Variants in SIRPG observed in about 807,000 individuals in gnomAD.
SIRPG encodes the protein signal-regulatory protein gamma.
Under a neutral mutation model 35.7 loss-of-function variants are expected in SIRPG, and 38 were observed. The ratio of observed to expected loss-of-function variants is 1.06; its 90% CI spans 0.82 to 1.40. SIRPG has a LOEUF of 1.40. Among genes scored for constraint, SIRPG ranks in the 40% most tolerant of loss-of-function variants. The pLI is 0.00. For synonymous variants in SIRPG, 215 were observed against 190.4 expected (o/e 1.13, Z -1.06); for missense variants, 519 against 483.0 (o/e 1.07, Z -0.70).
chr20:1,634,770 G>T lies in SIRPG; in HGVS notation c.1081+497C>A, dbSNP rs146803912. ...AAATATATATTTATGTACGCCAGGC[G>T]CGGTGGCTCACGCCTGTAATCCCAG... On this transcript the variant is annotated intron_variant, in intron 4 of 5. Coordinates refer to ENST00000303415, the MANE Select transcript of SIRPG (RefSeq NM_018556.4). 9.7e-3 allele frequency among the ~76,000 whole-genome samples: 1,480 copies of T among 152,046 alleles called. 25 individuals carry two copies. The highest frequency in any genetic ancestry group is 0.033 in the African/African-American group (1,377 of 41,494).
chr20:1,666,225 C>G, the SIRPG span: 1 of 151,852 alleles, frequency 6.6e-6, no homozygotes, highest in African/African-American at 2.4e-5. Flanking sequence ...GTGTTTGTTT[C>G]AAGCTGAGTG....
At chr20:1,661,358 A>G (rs1218460603), upstream of SIRPG, among the ~76,000 whole-genome samples, 2 of 152,206 alleles carry the variant, frequency 1.3e-5, no homozygotes, top group East Asian at 3.9e-4. Flanking sequence ...GGTCTACTCA[A>G]ATGCTCATGG....
At chr20:1,682,723 ATTAAAGACTT>A in the SIRPG span, among the ~76,000 whole-genome samples, 6 of 152,256 alleles carry the variant, frequency 3.9e-5, no homozygotes, top group Non-Finnish European at 8.8e-5. Context: ...CTCAAAATGG[ATTAAAGACTT>A]AAATGTAAGA....
chr20:1,683,909 C>T, the SIRPG span, among the ~76,000 whole-genome samples: 1 of 151,062 alleles, frequency 6.6e-6, no homozygotes, highest in Admixed American at 6.6e-5. Flanking sequence ...GTGGAGGCTG[C>T]AGTGAGCCGA....
upstream of SIRPG, among the ~76,000 whole-genome samples, chr20:1,660,872 A>G (rs1015536402): frequency 6.6e-6 from 1 of 152,214 alleles, no homozygotes; most frequent in Non-Finnish European, 1.5e-5. Flanking sequence ...TTAAGAATCA[A>G]AACTTCCTGG....
chr20:1,668,926 G>A, the SIRPG span, among the ~76,000 whole-genome samples: 1 of 152,114 alleles, frequency 6.6e-6, no homozygotes, highest in Non-Finnish European at 1.5e-5. Context: ...CTTCCAGCAG[G>A]CAGGGACATG....
At chr20:1,630,106 G>T in intron 5 of SIRPG, 116 bp downstream of exon 5, 2 of 773,254 alleles carry the variant, frequency 2.6e-6, no homozygotes, top group Non-Finnish European at 4.4e-6. Flanking sequence ...TTCCGAGGGT[G>T]CGGAGGGAGC....
chr20:1,650,177 C>T (rs7263011), intron 1 of SIRPG, among the ~76,000 whole-genome samples: 36,849 of 151,280 alleles, frequency 0.24, 5,253 homozygotes, highest in East Asian at 0.62. Context: ...GTTACATCTT[C>T]CTATCACTCT....
At chr20:1,654,682 G>A (rs1468691480) in intron 1 of SIRPG, among the ~76,000 whole-genome samples, 1 of 152,042 alleles carries the variant, frequency 6.6e-6, no homozygotes, top group East Asian at 1.9e-4. Flanking sequence ...ATAGACAAAA[G>A]GCATTAACAA....
intron 4 of SIRPG, among the ~76,000 whole-genome samples, chr20:1,633,253 T>G (rs1395131598): frequency 6.6e-6 from 1 of 152,184 alleles, no homozygotes; most frequent in Non-Finnish European, 1.5e-5. Context: ...AATTTATACT[T>G]TTAAAACACC....
chr20:1,680,904 T>C, the SIRPG span, among the ~76,000 whole-genome samples: 1 of 152,236 alleles, frequency 6.6e-6, no homozygotes, highest in Non-Finnish European at 1.5e-5. Flanking sequence ...ATCATGGGTA[T>C]TGGTTACTGT....
At chr20:1,636,570 T>C (rs970843911) in intron 2 of SIRPG, 65 bp from the exon 3 acceptor site, 2 of 1,521,382 alleles carry the variant, frequency 1.3e-6, no homozygotes, top group Non-Finnish European at 9.1e-7. Flanking sequence ...GATGAGTGTG[T>C]GACACTGTTA....
At chr20:1,685,971 C>A in the SIRPG span, among the ~76,000 whole-genome samples, 19,896 of 152,188 alleles carry the variant, frequency 0.13, 1,448 homozygotes, top group African/African-American at 0.19. Flanking sequence ...GGCTCCTGCT[C>A]CTCAGTTTGG....
chr20:1,637,993 C>A (rs1012200279), intron 2 of SIRPG, among the ~76,000 whole-genome samples: 2 of 152,170 alleles, frequency 1.3e-5, no homozygotes, highest in Admixed American at 6.5e-5. Flanking sequence ...TGCTCCCTAC[C>A]ACATGCAAAC....
intron 2 of SIRPG, among the ~76,000 whole-genome samples, chr20:1,644,057 G>A (rs955906465): frequency 1.3e-5 from 2 of 152,204 alleles, no homozygotes; most frequent in Non-Finnish European, 2.9e-5. Context: ...GGTGGCACGG[G>A]GAGCAGGACC....
the SIRPG span, among the ~76,000 whole-genome samples, chr20:1,679,807 T>G: frequency 6.6e-6 from 1 of 151,740 alleles, no homozygotes; most frequent in African/African-American, 2.4e-5. Context: ...TGCTCATGGC[T>G]TGCTAATTTG....
Position 1,636,514 on chromosome 20 carries a change from G to T in SIRPG, c.431-9C>A. The T allele has an allele frequency of 6.2e-7, 1 of 1,613,898 alleles. No homozygotes were observed. On this transcript the variant is annotated splice_polypyrimidine_tract_variant and intron_variant, in intron 2 of 5. Transcript: ENST00000303415. ...GGGGGCAGAGGGTTTGGCTACAAAA[G>T]GGGCATCGATAAACAGGAGACATGA...
Position 1,657,747 on chromosome 20 carries a change from C to G in SIRPG, c.-33G>C. The G allele has an allele frequency of 6.2e-7, 1 of 1,602,876 alleles. No homozygotes were observed. The highest frequency in any genetic ancestry group is 8.5e-7 in the Non-Finnish European group (1 of 1,170,350). On this transcript the variant is annotated 5_prime_UTR_variant, in exon 1 of 6. Transcript: ENST00000303415. Reference sequence around the variant, plus strand: ...ACCTCAGAAGCCTGCTCTGTTCAAACGTCTGTTCTGGGGAGATGTCAGGCC... The same window carrying G: ...ACCTCAGAAGCCTGCTCTGTTCAAAGGTCTGTTCTGGGGAGATGTCAGGCC...
the SIRPG span, among the ~76,000 whole-genome samples, chr20:1,675,163 G>T: frequency 6.6e-6 from 1 of 152,182 alleles, no homozygotes; most frequent in Non-Finnish European, 1.5e-5. Flanking sequence ...TGCTTACAGT[G>T]GCCCCACTCA....
Sources: allele counts gnomAD v4.1 joint callset (sites outside exome capture counted in the v4.1 genomes callset), GRCh38; gene constraint gnomAD v4.1.1; transcripts MANE v1.5; gene names NCBI Gene and HGNC (gene_info 2026-07-23, HGNC 2026-07-21).